Variants in LY6G5C observed in about 807,000 individuals in gnomAD.
The protein encoded by LY6G5C is lymphocyte antigen 6 complex locus protein G5c.
A neutral mutation model predicts 10.5 loss-of-function variants in LY6G5C; 6 were observed. That is an observed-to-expected ratio of 0.57 (90% CI 0.31 to 1.12). LY6G5C has a LOEUF of 1.12. Ranked by LOEUF, LY6G5C falls within the 50% of genes most tolerant of loss-of-function variation. LY6G5C has a pLI of 0.05. For synonymous variants in LY6G5C, 69 were observed against 67.8 expected (o/e 1.02, Z -0.09); for missense variants, 160 against 185.5 (o/e 0.86, Z 0.80).
upstream of LY6G5C, chr6:31,680,453 CTCAGGGTGGAAA>C: frequency 6.7e-7 from 1 of 1,498,094 alleles, no homozygotes; most frequent in Non-Finnish European, 9.0e-7. This position sits in a 1 kb window ranked among gnomAD's most constrained non-coding sequence, Gnocchi z 4.5. Flanking sequence ...GCAACACCAG[CTCAGGGTGGAAA>C]TCAGTGCCAG....
At position 31,680,271 on chromosome 6, in the gene LY6G5C, T is replaced by A. The variant is rs1562073874; in HGVS notation, c.103A>T (p.Met35Leu). 6.2e-7 allele frequency: 1 copy of A among 1,612,852 alleles called. No homozygotes were observed. Among genetic ancestry groups the A allele is most frequent in the East Asian group, 2.2e-5 (1 of 44,856 alleles). ...CACTTACCAAACACCAAGCTCATCA[T>A]GACCAGCACTATTAAGAGGACCGTG... The change falls in exon 1 of 3, where the codon ATG becomes TTG. Residue 35 changes from methionine (M) to leucine (L), a missense_variant. Coordinates refer to ENST00000383237, the Ensembl canonical transcript of LY6G5C. This position sits in a 1 kb window ranked among gnomAD's most constrained non-coding sequence, Gnocchi z 4.5.
rs1278465634 is a variant in LY6G5C at position 31,679,038 on chromosome 6, A to G, written c.289+63T>C. On this transcript the variant is annotated intron_variant, in intron 2 of 2. Coordinates refer to ENST00000383237, the Ensembl canonical transcript of LY6G5C. The surrounding 1 kb of genome is among the most constrained non-coding windows in gnomAD (Gnocchi z 4.4). The stretch of plus-strand genomic sequence containing the variant: ...GGGAACAAGACTTGGGGTGCAGCTT[A>G]GGAGGCTGAGAGAGTTTCCGTTTGG... The G allele has an allele frequency of 1.3e-6, 2 of 1,535,892 alleles. No homozygotes were observed. The highest frequency in any genetic ancestry group is 1.8e-6 in the Non-Finnish European group (2 of 1,111,068).
At chr6:31,680,978 T>A (rs1420477314), upstream of LY6G5C, among the ~76,000 whole-genome samples, 7 of 151,102 alleles carry the variant, frequency 4.6e-5, no homozygotes, top group East Asian at 1.4e-3. This position sits in a 1 kb window ranked among gnomAD's most constrained non-coding sequence, Gnocchi z 4.5. Flanking sequence ...ACAGATTTGC[T>A]GTTGGACTGA....
In LY6G5C at chr6:31,680,311, G is replaced by C. The variant is rs1437776518; in HGVS notation, c.63C>G (p.Ser21Arg). The change falls in exon 1 of 3, where the codon AGC becomes AGG. Residue 21 changes from serine to arginine, a missense_variant. Ser to Arg is a moderately radical substitution (Grantham distance 110, BLOSUM62 -1). Coordinates refer to ENST00000383237, the Ensembl canonical transcript of LY6G5C. The surrounding 1 kb of genome is among the most constrained non-coding windows in gnomAD (Gnocchi z 4.5). ...AGAGGACCGTGTAGAGGGCTTGGGGGCTGCTGTGGAAGCACAGGGGACCCA... is the reference window on the plus strand; with the variant it reads ...AGAGGACCGTGTAGAGGGCTTGGGGCCTGCTGTGGAAGCACAGGGGACCCA... 1 of 1,612,156 alleles carries C rather than the reference G, an allele frequency of 6.2e-7. No homozygotes were observed. The highest frequency in any genetic ancestry group is 1.7e-5 in the Admixed American group (1 of 59,968).
Position 31,679,208 on chromosome 6 carries a change from C to G in LY6G5C, c.182G>C (p.Arg61Pro). 1 of 1,612,924 alleles carries G rather than the reference C, an allele frequency of 6.2e-7. No homozygotes were observed. Among genetic ancestry groups the G allele is most frequent in the Non-Finnish European group, 8.5e-7 (1 of 1,179,984 alleles). Residue 61 changes from arginine (R) to proline (P), a missense_variant, in exon 2 of 3, where the codon CGC becomes CCC. Arg to Pro is a moderately radical substitution (Grantham distance 103). Transcript: ENST00000383237. This position sits in a 1 kb window ranked among gnomAD's most constrained non-coding sequence, Gnocchi z 4.4. ...GGTCTCCAAGAGGCATCGGTAGCAGCGCAGGTATTTGGGGAATGGAAGTGG... is the reference window on the plus strand; with the variant it reads ...GGTCTCCAAGAGGCATCGGTAGCAGGGCAGGTATTTGGGGAATGGAAGTGG...
intron 2 of LY6G5C, 91 bp from the exon 3 acceptor site, chr6:31,677,211 A>G: frequency 1.5e-6 from 2 of 1,320,004 alleles, no homozygotes; most frequent in Non-Finnish European, 2.1e-6. Flanking sequence ...CAAAAAAAAA[A>G]GAAAAAGAAA....
At chr6:31,677,931 TCTGATATTTGACC>T (rs1470330410) in intron 2 of LY6G5C, among the ~76,000 whole-genome samples, 1 of 152,152 alleles carries the variant, frequency 6.6e-6, no homozygotes, top group African/African-American at 2.4e-5. Flanking sequence ...TATTGTATAC[TCTGATATTTGACC>T]CACATCTGTG....
chr6:31,678,444 G>C (rs992824898), intron 2 of LY6G5C, among the ~76,000 whole-genome samples: 1 of 152,184 alleles, frequency 6.6e-6, no homozygotes, highest in Non-Finnish European at 1.5e-5. Context: ...GAACCACTAA[G>C]GGTCAGAGAG....
At position 31,680,315 on chromosome 6, in the gene LY6G5C, C is replaced by A. The variant is rs1562074103; in HGVS notation, c.59G>T (p.Ser20Ile). 6.2e-7 allele frequency: 1 copy of A among 1,611,392 alleles called. No individual in the cohort carries two copies. The highest frequency in any genetic ancestry group is 8.5e-7 in the Non-Finnish European group (1 of 1,179,956). Residue 20 changes from serine (S) to isoleucine (I), a missense_variant, in exon 1 of 3, where the codon AGC becomes ATC. By Grantham distance (142) the Ser-to-Ile change is moderately radical. Transcript: ENST00000383237. The surrounding 1 kb of genome is among the most constrained non-coding windows in gnomAD (Gnocchi z 4.5). The stretch of plus-strand genomic sequence containing the variant: ...GACCGTGTAGAGGGCTTGGGGGCTG[C>A]TGTGGAAGCACAGGGGACCCAGACT...
chr6:31,677,163 G>A, intron 2 of LY6G5C, 43 bp from the exon 3 acceptor site: 1 of 1,594,774 alleles, frequency 6.3e-7, no homozygotes, highest in Non-Finnish European at 8.6e-7. Context: ...AAGTCCCCAG[G>A]AAGAGCCCCA....
exon 3 of LY6G5C, chr6:31,676,925 G>A (rs1303574208): frequency 6.2e-7 from 1 of 1,600,878 alleles, no homozygotes; most frequent in Non-Finnish European, 8.5e-7. Flanking sequence ...GGAAACTGGT[G>A]GAATTTTACA....
chr6:31,680,399 G>T (rs1349728064), upstream of LY6G5C: 2 of 1,598,308 alleles, frequency 1.3e-6, no homozygotes, highest in Non-Finnish European at 1.7e-6. The surrounding 1 kb of genome is among the most constrained non-coding windows in gnomAD (Gnocchi z 4.5). Flanking sequence ...TCCAGTTTGG[G>T]CTTATATTGG....
chr6:31,679,754 A>G lies in LY6G5C; in HGVS notation c.122-486T>C. ...GACAGCCCTGGGGTGGTCACTAGAA[A>G]TCTCCTTCAGAGGCTGGGTGCGGTG... On this transcript the variant is annotated intron_variant, in intron 1 of 2. Transcript: ENST00000383237. The surrounding 1 kb of genome is among the most constrained non-coding windows in gnomAD (Gnocchi z 4.4). 1 of 190,782 alleles carries G rather than the reference A, an allele frequency of 5.2e-6. No homozygotes were observed. The highest frequency in any genetic ancestry group is 9.9e-5 in the South Asian group (1 of 10,052). The allele number at this position is 190,782 out of a possible 1,614,324, so 11.8% of individuals were successfully genotyped here. A position where few individuals can be genotyped will look rare whatever the true frequency, so the allele number is the denominator to read the frequency against.
intron 2 of LY6G5C, among the ~76,000 whole-genome samples, chr6:31,678,802 A>C (rs866372461): frequency 3.9e-5 from 6 of 152,142 alleles, no homozygotes; most frequent in African/African-American, 1.4e-4. Context: ...AACATGGTGA[A>C]TCCCCATCTC....
chr6:31,679,419 T>C lies in LY6G5C; in HGVS notation c.122-151A>G. On this transcript the variant is annotated intron_variant, in intron 1 of 2. Coordinates refer to ENST00000383237, the Ensembl canonical transcript of LY6G5C. This position sits in a 1 kb window ranked among gnomAD's most constrained non-coding sequence, Gnocchi z 4.4. Reference sequence around the variant, plus strand: ...CCAATTCTCTGCTTCCTTCCCCAACTGCATACACATACATCCCCCTTTTCC... The same window carrying C: ...CCAATTCTCTGCTTCCTTCCCCAACCGCATACACATACATCCCCCTTTTCC... The C allele has an allele frequency of 1.3e-6, 1 of 768,004 alleles. No homozygotes were observed. The highest frequency in any genetic ancestry group is 2.2e-6 in the Non-Finnish European group (1 of 456,656). The allele number at this position is 768,004 out of a possible 1,614,324, so 47.6% of individuals were successfully genotyped here. A position where few individuals can be genotyped will look rare whatever the true frequency, so the allele number is the denominator to read the frequency against.
rs1487304738 is a variant in LY6G5C at position 31,680,363 on chromosome 6, A to G, written c.11T>C (p.Met4Thr). Residue 4 changes from methionine to threonine, a missense_variant, in exon 1 of 3, where the codon ATG becomes ACG. By Grantham distance (81) the Met-to-Thr change is moderately conservative. Coordinates refer to ENST00000383237, the Ensembl canonical transcript of LY6G5C. The surrounding 1 kb of genome is among the most constrained non-coding windows in gnomAD (Gnocchi z 4.5). ...ACTCTGGCTCCCTGCAGGGCCTGCC[A>G]TAAAACGCATGACTGCCTGCTGGCC... 2 of 1,609,692 alleles carry G rather than the reference A, an allele frequency of 1.2e-6. No individual in the cohort carries two copies. Among genetic ancestry groups the G allele is most frequent in the African/African-American group, 2.7e-5 (2 of 74,926 alleles).
chr6:31,678,589 C>T (rs1473598141), intron 2 of LY6G5C, among the ~76,000 whole-genome samples: 1 of 152,174 alleles, frequency 6.6e-6, no homozygotes, highest in Non-Finnish European at 1.5e-5. Context: ...GGAGGGTCCC[C>T]GTCAAAGCTG....
At chr6:31,677,198 A>G (rs1802628900) in intron 2 of LY6G5C, 78 bp from the exon 3 acceptor site, 2 of 1,397,804 alleles carry the variant, frequency 1.4e-6, no homozygotes, top group Non-Finnish European at 2.0e-6. Context: ...CACACTCATA[A>G]GTCAAAAAAA....
At position 31,679,186 on chromosome 6, in the gene LY6G5C, C is replaced by A; in HGVS notation, c.204G>T (p.Glu68Asp). 1.2e-6 allele frequency: 2 copies of A among 1,613,004 alleles called. No individual in the cohort carries two copies. The highest frequency in any genetic ancestry group is 1.7e-6 in the Non-Finnish European group (2 of 1,180,022). The change falls in exon 2 of 3, where the codon GAG becomes GAT. Residue 68 changes from glutamate to aspartate, a missense_variant. Coordinates refer to ENST00000383237, the Ensembl canonical transcript of LY6G5C. This position sits in a 1 kb window ranked among gnomAD's most constrained non-coding sequence, Gnocchi z 4.4. ...CCAGAAGGCACCCTAACTCCTTGGT[C>A]TCCAAGAGGCATCGGTAGCAGCGCA...
Sources: allele counts gnomAD v4.1 joint callset (sites outside exome capture counted in the v4.1 genomes callset), GRCh38; gene constraint gnomAD v4.1.1; non-coding constraint Gnocchi (gnomAD v3.1); transcripts MANE v1.5; gene names NCBI Gene and HGNC (gene_info 2026-07-23, HGNC 2026-07-21).